The following TMC7 variants were observed in gnomAD, a reference collection of about 807,000 sequenced individuals.
TMC7 encodes the protein transmembrane channel-like protein 7.
In TMC7, 54 loss-of-function variants were observed where a neutral mutation model predicts 82.9. That is an observed-to-expected ratio of 0.65 (90% CI 0.52 to 0.82). The LOEUF is 0.82. TMC7 is among the 40% of genes least tolerant of loss of function. The pLI is 0.00. For missense variants in TMC7, 820 were observed against 901.2 expected (o/e 0.91, Z 1.15); for synonymous variants, 350 against 337.9 (o/e 1.04, Z -0.39).
chr16:19,057,529 G>A (rs1004525222), intron 14 of TMC7, among the ~76,000 whole-genome samples: 3 of 152,212 alleles, frequency 2.0e-5, no homozygotes, highest in African/African-American at 7.2e-5. Context: ...CCTGTAAAAA[G>A]GCAGGATACC....
At chr16:19,061,733 G>T in intron 15 of TMC7, 45 bp from the exon 16 acceptor site, 4 of 1,554,870 alleles carry the variant, frequency 2.6e-6, no homozygotes, top group Admixed American at 1.7e-5. Flanking sequence ...GATGGTATTT[G>T]TTTCCAAATA....
At chr16:19,034,504 A>G (rs1258188387) in intron 6 of TMC7, among the ~76,000 whole-genome samples, 2 of 152,100 alleles carry the variant, frequency 1.3e-5, no homozygotes, top group Non-Finnish European at 2.9e-5. Context: ...AGGCTCAGGC[A>G]GGAGAATCGC....
In TMC7 at chr16:19,021,760, A is replaced by G; in HGVS notation, c.592A>G (p.Asn198Asp). Residue 198 changes from asparagine (N) to aspartate (D), a missense_variant, in exon 4 of 16, where the codon AAC (asparagine) becomes GAC (aspartate). Asn to Asp is a conservative substitution (Grantham distance 23, BLOSUM62 1). Around this residue, in one of 2 missense-constraint regions of TMC7, gnomAD observed 650 missense variants for 669.9 expected, o/e 0.97. Transcript: ENST00000304381. ...CTTACTCACGAAATACAAGATCACC[A>G]ACAGCAGCTTCGTGCTCATTCCTTT... ...PVLLTKYKIT[N>D]SSFVLIPFKD... is the part of the protein sequence containing the mutation. The G allele has an allele frequency of 6.2e-7, 1 of 1,614,218 alleles. No homozygotes were observed. Among genetic ancestry groups the G allele is most frequent in the Non-Finnish European group, 8.5e-7 (1 of 1,180,040 alleles).
Position 19,040,327 on chromosome 16 carries a change from A to G in TMC7, c.1218A>G (p.Ile406Met). 6.2e-7 allele frequency: 1 copy of G among 1,613,848 alleles called. No individual in the cohort carries two copies. Among genetic ancestry groups the G allele is most frequent in the South Asian group, 1.1e-5 (1 of 91,042 alleles). ...TGGTTTTTGGAGAGAACCTCTTCAT[A>G]TTGTATCTACCGTCTATTGTGATCA... is the stretch of plus-strand genomic sequence containing the variant. ...DKMVFGENLF[I>M]LYLPSIVITL... Residue 406 changes from isoleucine to methionine, a missense_variant, in exon 9 of 16, where the codon ATA (isoleucine) becomes ATG (methionine). Coordinates refer to ENST00000304381, the MANE Select transcript of TMC7 (RefSeq NM_024847.4).
intron 1 of TMC7, among the ~76,000 whole-genome samples, chr16:19,006,524 A>G (rs1362390223): frequency 3.3e-5 from 5 of 151,902 alleles, no homozygotes; most frequent in Admixed American, 3.3e-4. Flanking sequence ...ACAACATCCC[A>G]AGGTCCTGCC....
Position 19,061,831 on chromosome 16 carries a change from C to T in TMC7, c.2160C>T (p.Asp720=). 1 of 1,613,680 alleles carries T rather than the reference C, an allele frequency of 6.2e-7. No homozygotes were observed. The highest frequency in any genetic ancestry group is 8.5e-7 in the Non-Finnish European group (1 of 1,179,774). The change falls in exon 16 of 16, where the codon GAC becomes GAT. Residue 720 remains aspartate (D), a synonymous_variant. Transcript: ENST00000304381. ...LIQKLTEAQR[D]MRN is the part of the protein sequence containing the mutation. ...AGAAACTAACAGAAGCCCAAAGGGA[C>T]ATGAGGAACTAACTAGACTGAGCGT...
At chr16:19,015,375 C>T (rs11863644) in intron 2 of TMC7, among the ~76,000 whole-genome samples, 2,637 of 152,004 alleles carry the variant, frequency 0.017, 81 homozygotes, top group African/African-American at 0.06. Flanking sequence ...AATCCTCCTG[C>T]CTCAGCCTCC....
chr16:19,006,840 A>C (rs1322367207), intron 1 of TMC7, among the ~76,000 whole-genome samples: 1 of 151,918 alleles, frequency 6.6e-6, no homozygotes, highest in Non-Finnish European at 1.5e-5. Context: ...TTTTTGAGAC[A>C]AAGTCTTGCT....
chr16:19,060,948 G>A lies in TMC7; in HGVS notation c.2107-830G>A, dbSNP rs546329944. Among the ~76,000 whole-genome samples the A allele has an allele frequency of 1.1e-4, 16 of 151,468 alleles. No homozygotes were observed. In the South Asian group the frequency reaches 1.7e-3, roughly 16 times the overall value. On this transcript the variant is annotated intron_variant, in intron 15 of 15. Transcript: ENST00000304381. Reference sequence around the variant, plus strand: ...ATTACAGGCACCCACCATCACAACCGGCTAACTTTTGTATTTTTAGTAGAG... The same window carrying A: ...ATTACAGGCACCCACCATCACAACCAGCTAACTTTTGTATTTTTAGTAGAG...
At chr16:19,008,078 C>G (rs1314627809) in intron 1 of TMC7, among the ~76,000 whole-genome samples, 1 of 152,098 alleles carries the variant, frequency 6.6e-6, no homozygotes. Context: ...GATCATGAAG[C>G]TTTGCTGCAT....
intron 1 of TMC7, among the ~76,000 whole-genome samples, chr16:18,998,115 A>G (rs1256379397): frequency 5.9e-5 from 9 of 152,148 alleles, no homozygotes; most frequent in Non-Finnish European, 1.3e-4. Context: ...CTTTCCTGCT[A>G]CAAGGACAAA....
chr16:18,999,196 C>T (rs1005377731), intron 1 of TMC7, among the ~76,000 whole-genome samples: 1 of 152,198 alleles, frequency 6.6e-6, no homozygotes, highest in African/African-American at 2.4e-5. Context: ...GACAGGGTCT[C>T]ACTATGGTGC....
chr16:19,047,249 G>C lies in TMC7; in HGVS notation c.1740G>C (p.Glu580Asp), dbSNP rs750248394. Residue 580 changes from glutamate to aspartate, a missense_variant and splice_region_variant, in exon 12 of 16, where the codon GAG becomes GAC. Around this residue, in one of 2 missense-constraint regions of TMC7, gnomAD observed 170 missense variants for 231.3 expected, o/e 0.74. Transcript: ENST00000304381. ...TCATTATCATCTTCTATGTGAAAGAGGTAAGGAGCCGGTGGGAATGGGGGC... is the reference window on the plus strand; with the variant it reads ...TCATTATCATCTTCTATGTGAAAGACGTAAGGAGCCGGTGGGAATGGGGGC... ...LKFIIIFYVK[E>D]WSLLYTCRPS... 1 of 1,613,284 alleles carries C rather than the reference G, an allele frequency of 6.2e-7. No individual in the cohort carries two copies. Among genetic ancestry groups the C allele is most frequent in the South Asian group, 1.1e-5 (1 of 90,966 alleles).
At position 19,045,343 on chromosome 16, in the gene TMC7, C is replaced by T; in HGVS notation, c.1458C>T (p.Cys486=). 1 of 1,613,518 alleles carries T rather than the reference C, an allele frequency of 6.2e-7. No individual in the cohort carries two copies. Among genetic ancestry groups the T allele is most frequent in the South Asian group, 1.1e-5 (1 of 91,072 alleles). ...TCCCTCACTCTCTTTGATTTCAGTG[C>T]TGGGAGACCCAAGTTGGGCAGGAAA... ...LCGYNQKLYP[C]WETQVGQEMY... is the part of the protein sequence containing the mutation. The change falls in exon 11 of 16, where the codon TGC becomes TGT. Residue 486 remains cysteine (C), a splice_region_variant and synonymous_variant. Coordinates refer to ENST00000304381, the MANE Select transcript of TMC7 (RefSeq NM_024847.4).
chr16:19,019,169 C>A (rs1048943397), intron 3 of TMC7, among the ~76,000 whole-genome samples: 4 of 152,164 alleles, frequency 2.6e-5, no homozygotes, highest in African/African-American at 9.6e-5. Context: ...TATTTTACAG[C>A]AAAACATTTT....
chr16:19,049,764 G>C (rs1479623795), intron 12 of TMC7: 8 of 487,934 alleles, frequency 1.6e-5, no homozygotes, highest in Non-Finnish European at 1.9e-5. Flanking sequence ...AAGTATCTTC[G>C]GTACTCAGTG....
chr16:19,017,625 G>T (rs1416725663), intron 3 of TMC7, among the ~76,000 whole-genome samples: 1 of 148,700 alleles, frequency 6.7e-6, no homozygotes, highest in Non-Finnish European at 1.5e-5. Context: ...TTTGAGACCA[G>T]CCTGGGTAAC....
At chr16:19,036,900 A>C (rs4782198) in intron 7 of TMC7, among the ~76,000 whole-genome samples, 140,272 of 152,194 alleles carry the variant, frequency 0.92, 65,084 homozygotes, top group Non-Finnish European at 0.97. Context: ...TGATTAAATT[A>C]TCCTAATAAA....
intron 13 of TMC7, among the ~76,000 whole-genome samples, chr16:19,055,473 T>G (rs565902966): frequency 6.6e-6 from 1 of 152,144 alleles, no homozygotes; most frequent in Non-Finnish European, 1.5e-5. Context: ...CTCTCGTGCC[T>G]CAGCCTCCCG....
Sources: gnomAD v4.1 joint callset for allele counts (sites outside exome capture counted in the v4.1 genomes callset) on GRCh38, gnomAD v4.1.1 for gene constraint, gnomAD v4.1.1 regional missense constraint, MANE v1.5 for transcripts, NCBI Gene and HGNC (gene_info 2026-07-23, HGNC 2026-07-21) for gene names.